Variants in MMS19 observed in about 807,000 individuals in gnomAD.
The protein encoded by MMS19 is MMS19 cytosolic iron-sulfur assembly component, also known as MMS19 nucleotide excision repair protein homolog.
MMS19 carries 77 observed loss-of-function variants against 129.8 expected under a neutral mutation model. The observed-to-expected ratio is 0.59, with a 90% CI of 0.49 to 0.72. The LOEUF (loss-of-function observed/expected upper bound fraction) is 0.72, where lower values mean the gene tolerates loss of function less well. Among genes scored for constraint, MMS19 ranks in the 30% least tolerant of loss-of-function variants. The pLI, the probability that MMS19 is intolerant of heterozygous loss-of-function variation, is 0.00. For synonymous variants in MMS19, 491 were observed against 502.8 expected (o/e 0.98, Z 0.31); for missense variants, 1,168 against 1,266.3 (o/e 0.92, Z 1.18).
In MMS19 at chr10:97,470,785, C is replaced by G; in HGVS notation, c.761G>C (p.Arg254Pro). ...SLRAVLASTP[R>P]FAEFLLPLLI... ...CTTGGCTAGACCCACCTCAGCAAAT[C>G]GTGGTGTAGAAGCCAGCACAGCGCG... Residue 254 changes from arginine to proline, a missense_variant, in exon 9 of 31, where the codon CGA (arginine) becomes CCA (proline). Arg to Pro is a moderately radical substitution (Grantham distance 103). This residue lies in a region of MMS19 where 329 missense variants were observed against 328.6 expected (regional missense o/e 1.00). Coordinates refer to ENST00000438925, the MANE Select transcript of MMS19 (RefSeq NM_022362.5). 1 of 1,612,336 alleles carries G rather than the reference C, an allele frequency of 6.2e-7. No individual in the cohort carries two copies. The highest frequency in any genetic ancestry group is 1.1e-5 in the South Asian group (1 of 90,968).
intron 11 of MMS19, among the ~76,000 whole-genome samples, 169 bp downstream of exon 11, chr10:97,469,477 T>C (rs1304931928): frequency 6.6e-6 from 1 of 152,240 alleles, no homozygotes; most frequent in African/African-American, 2.4e-5. Context: ...ATAGGGACTC[T>C]CTCTCTTGTC....
chr10:97,493,951 G>T (rs1232983272), intron 1 of MMS19, among the ~76,000 whole-genome samples: 1 of 152,088 alleles, frequency 6.6e-6, no homozygotes, highest in Non-Finnish European at 1.5e-5. Context: ...GGGGGCAGAG[G>T]TTACGGTCAG....
At chr10:97,481,541 G>A (rs2036800099) in intron 2 of MMS19, among the ~76,000 whole-genome samples, 2 of 152,074 alleles carry the variant, frequency 1.3e-5, no homozygotes, top group Admixed American at 1.3e-4. Context: ...AAGAAAACAT[G>A]AAAAACCAAA....
rs781250189 is a variant in MMS19, at chr10:97,477,404, C to T, written c.436G>A (p.Val146Met). The T allele has an allele frequency of 5.9e-5, 96 of 1,613,862 alleles. No individual in the cohort carries two copies. The highest frequency in any genetic ancestry group is 1.0e-4 in the Admixed American group (6 of 59,986). ...QEVHVQSLPQ[V>M]DRHTVYNIIT... is the part of the protein sequence containing the mutation. Reference sequence around the variant, plus strand: ...ATATTGTAGACTGTGTGTCGGTCCACCTGTGGCAGGGACTTGGGGGTGGGG... The same window carrying T: ...ATATTGTAGACTGTGTGTCGGTCCATCTGTGGCAGGGACTTGGGGGTGGGG... The change falls in exon 6 of 31, where the codon GTG becomes ATG. Residue 146 changes from valine (V) to methionine (M), a missense_variant. By Grantham distance (21) the Val-to-Met change is conservative. Around this residue, in one of 3 missense-constraint regions of MMS19, gnomAD observed 329 missense variants for 328.6 expected, o/e 1.00. Coordinates refer to ENST00000438925, the MANE Select transcript of MMS19 (RefSeq NM_022362.5).
At chr10:97,487,643 C>G (rs1022648316) in intron 1 of MMS19, among the ~76,000 whole-genome samples, 8 of 151,786 alleles carry the variant, frequency 5.3e-5, no homozygotes, top group Non-Finnish European at 8.8e-5. Flanking sequence ...TTTCTAAGAA[C>G]AAGATAACAT....
At position 97,459,481 on chromosome 10, in the gene MMS19, C is replaced by T. The variant is rs1269913183; in HGVS notation, c.2785G>A (p.Val929Met). The T allele has an allele frequency of 1.9e-6, 3 of 1,613,066 alleles. No homozygotes were observed. Among genetic ancestry groups the T allele is most frequent in the African/African-American group, 1.3e-5 (1 of 74,912 alleles). ...LEALSCPDCVVQLSTLSCLQP... is the reference protein window; with the variant it reads ...LEALSCPDCVMQLSTLSCLQP... The stretch of plus-strand genomic sequence containing the variant: ...AGGCAGCTGAGGGTGGAGAGCTGCA[C>T]CACACAGTCAGGGCAGGACAGGGCC... The change falls in exon 28 of 31, where the codon GTG becomes ATG. Residue 929 changes from valine to methionine, a missense_variant. Transcript: ENST00000438925.
chr10:97,466,428 G>T, intron 16 of MMS19, 76 bp downstream of exon 16: 1 of 1,192,330 alleles, frequency 8.4e-7, no homozygotes, highest in Non-Finnish European at 1.2e-6. Flanking sequence ...ACAGAGCCCT[G>T]GTCCTAGCTT....
intron 1 of MMS19, among the ~76,000 whole-genome samples, chr10:97,497,190 G>A (rs1434328523): frequency 6.6e-6 from 1 of 152,150 alleles, no homozygotes; most frequent in Non-Finnish European, 1.5e-5. Flanking sequence ...ATAAGTTCCT[G>A]GTGGGCACAG....
chr10:97,480,507 T>A, intron 3 of MMS19: 1 of 364,884 alleles, frequency 2.7e-6, no homozygotes, highest in South Asian at 2.1e-5. Flanking sequence ...TCTTTACCTA[T>A]GAAATACTGC....
intron 11 of MMS19, among the ~76,000 whole-genome samples, 186 bp downstream of exon 11, chr10:97,469,460 C>T (rs887428494): frequency 1.3e-5 from 2 of 152,204 alleles, no homozygotes; most frequent in African/African-American, 4.8e-5. Context: ...AAGCAGCTGA[C>T]CGTCACATAG....
At chr10:97,461,254 G>A in intron 23 of MMS19, 2 of 611,002 alleles carry the variant, frequency 3.3e-6, no homozygotes, top group South Asian at 4.1e-5. Flanking sequence ...TAGCCCCACT[G>A]TAGGGAGTAG....
chr10:97,465,785 T>C lies in MMS19; in HGVS notation c.1756+20A>G. ...CTCCCTATTCAGCCCAGTCCGTTGG[T>C]GGTTATTCCTAGTAGTTACCTCTGT... On this transcript the variant is annotated intron_variant, in intron 18 of 30. Transcript: ENST00000438925. 6.2e-7 allele frequency: 1 copy of C among 1,606,494 alleles called. No homozygotes were observed. Among genetic ancestry groups the C allele is most frequent in the Non-Finnish European group, 8.5e-7 (1 of 1,177,798 alleles).
chr10:97,487,387 C>T (rs1040939356), intron 1 of MMS19, among the ~76,000 whole-genome samples: 2 of 149,336 alleles, frequency 1.3e-5, no homozygotes, highest in African/African-American at 5.0e-5. Flanking sequence ...GGCGCGATCT[C>T]GGCTCACTGC....
At position 97,483,366 on chromosome 10, in the gene MMS19, A is replaced by G. The variant is rs184785630; in HGVS notation, c.161+737T>C. On this transcript the variant is annotated intron_variant, in intron 2 of 30. Transcript: ENST00000438925. The stretch of plus-strand genomic sequence containing the variant: ...ACTGCACCCAGCCAATACTGTATAT[A>G]TTTTTTTTAATGGACCAAGGCCACC... Among the ~76,000 whole-genome samples the G allele has an allele frequency of 1.3e-4, 20 of 151,898 alleles. No homozygotes were observed. In the East Asian group the frequency reaches 3.9e-3, roughly 29 times the overall value.
chr10:97,473,859 T>C (rs913479773), intron 8 of MMS19, among the ~76,000 whole-genome samples: 1 of 151,968 alleles, frequency 6.6e-6, no homozygotes, highest in Non-Finnish European at 1.5e-5. Context: ...ATAGAAAAAG[T>C]TGGCCAGGCA....
chr10:97,460,664 C>G (rs776210660), intron 25 of MMS19, 31 bp downstream of exon 25: 1 of 1,559,590 alleles, frequency 6.4e-7, no homozygotes, highest in East Asian at 2.3e-5. Context: ...TGTTTAGGTC[C>G]TGGGTTCTTC....
intron 1 of MMS19, among the ~76,000 whole-genome samples, chr10:97,496,488 GCAGA>G (rs2039808898): frequency 6.8e-6 from 1 of 146,850 alleles, no homozygotes; most frequent in South Asian, 2.2e-4. Flanking sequence ...CTCCAGCCTG[GCAGA>G]CAGAGAGGGA....
chr10:97,476,884 CAGA>C lies in MMS19; in HGVS notation c.570_572del (p.Leu191del), dbSNP rs2035879706. The C allele has an allele frequency of 6.2e-7, 1 of 1,613,870 alleles. No homozygotes were observed. Among genetic ancestry groups the C allele is most frequent in the African/African-American group, 1.3e-5 (1 of 74,922 alleles). ...GGTCATGGACGATGCGGAAGGCCAC[CAGA>C]AGATTACGGGGATCCTTTTCCCCAT... On this transcript the variant is annotated inframe_deletion, in exon 7 of 31. Transcript: ENST00000438925.
chr10:97,462,726 G>A (rs1351365179), intron 19 of MMS19, 44 bp from the exon 20 acceptor site: 2 of 1,469,308 alleles, frequency 1.4e-6, no homozygotes, highest in Non-Finnish European at 1.9e-6. Flanking sequence ...GACCATGACG[G>A]GTTCAAGAAA....
Sources: allele counts gnomAD v4.1 joint callset (sites outside exome capture counted in the v4.1 genomes callset), GRCh38; gene constraint gnomAD v4.1.1; regional missense constraint gnomAD v4.1.1; transcripts MANE v1.5; gene names NCBI Gene and HGNC (gene_info 2026-07-23, HGNC 2026-07-21).